Variants in ZNF101 observed in about 807,000 individuals in gnomAD.
ZNF101 encodes the protein zinc finger protein 101 (Y2).
A neutral mutation model predicts 42.6 loss-of-function variants in ZNF101; 34 were observed. That is an observed-to-expected ratio of 0.80 (90% confidence interval 0.61 to 1.06). The LOEUF is 1.06. Ranked by LOEUF, ZNF101 falls within the 50% of genes least tolerant of loss-of-function variation. ZNF101 has a pLI of 0.00. For synonymous variants in ZNF101, 158 were observed against 183.9 expected (o/e 0.86, Z 1.14); for missense variants, 466 against 530.9 (o/e 0.88, Z 1.20).
rs2062248979 is a variant in ZNF101, at chr19:19,683,355, TC to T, written c.*3056del. ...TTGCTCTTTACTCTTTGTCGTTATT[TC>T]TGAGTATTATTTGGATGGTTCATTT... On this transcript the variant is annotated 3_prime_UTR_variant, in exon 4 of 4. Coordinates refer to ENST00000592502, the MANE Select transcript of ZNF101 (RefSeq NM_033204.4). The T allele has an allele frequency of 6.6e-6, 1 of 152,190 alleles. No individual in the cohort carries two copies. Among genetic ancestry groups the T allele is most frequent in the Admixed American group, 6.6e-5 (1 of 15,258 alleles). The allele number at this position is 152,190 out of a possible 1,614,324, so 9.4% of individuals were successfully genotyped here.
At position 19,679,968 on chromosome 19, in the gene ZNF101, G is replaced by A. The variant is rs1568439427; in HGVS notation, c.979G>A (p.Ala327Thr). Residue 327 changes from alanine to threonine, a missense_variant, in exon 4 of 4, where the codon GCA becomes ACA. Transcript: ENST00000592502. ...CTTTAGATGTCCCACGTCCCTTCAA[G>A]CACATGAAAGAGCTCACACTGGAGA... ...KVFRCPTSLQ[A>T]HERAHTGERP... 6.2e-7 allele frequency: 1 copy of A among 1,613,442 alleles called. No individual in the cohort carries two copies. The highest frequency in any genetic ancestry group is 8.5e-7 in the Non-Finnish European group (1 of 1,179,844).
chr19:19,679,402 A>T lies in ZNF101; in HGVS notation c.413A>T (p.Glu138Val), dbSNP rs778696508. The part of the protein sequence containing the change: ...KRSECGGEWR[E>V]TPRKQKQHGK... Reference sequence around the variant, plus strand: ...TCTGAGTGTGGTGGGGAATGGAGAGAGACGCCCCGTAAACAGAAACAACAT... The same window carrying T: ...TCTGAGTGTGGTGGGGAATGGAGAGTGACGCCCCGTAAACAGAAACAACAT... The change falls in exon 4 of 4, where the codon GAG (glutamate) becomes GTG (valine). Residue 138 changes from glutamate (E) to valine (V), a missense_variant. Coordinates refer to ENST00000592502, the MANE Select transcript of ZNF101 (RefSeq NM_033204.4). 15 of 1,613,854 alleles carry T rather than the reference A, an allele frequency of 9.3e-6. No homozygotes were observed. The highest frequency in any genetic ancestry group is 1.2e-5 in the Non-Finnish European group (14 of 1,179,910).
intron 1 of ZNF101, 25 bp downstream of exon 1, chr19:19,668,991 G>T: frequency 6.3e-7 from 1 of 1,577,848 alleles, no homozygotes; most frequent in East Asian, 2.3e-5. Context: ...CCGGGCGTCC[G>T]GAGACCTGAG....
chr19:19,679,383 T>G lies in ZNF101; in HGVS notation c.394T>G (p.Cys132Gly). 1 of 1,613,948 alleles carries G rather than the reference T, an allele frequency of 6.2e-7. No homozygotes were observed. The highest frequency in any genetic ancestry group is 8.5e-7 in the Non-Finnish European group (1 of 1,179,988). ...RAHAGHKRSE[C>G]GGEWRETPRK... ...TCATGCTGGACACAAACGATCTGAG[T>G]GTGGTGGGGAATGGAGAGAGACGCC... The change falls in exon 4 of 4, where the codon TGT becomes GGT. Residue 132 changes from cysteine (C) to glycine (G), a missense_variant. Cys to Gly is a radical substitution (Grantham distance 159). Coordinates refer to ENST00000592502, the MANE Select transcript of ZNF101 (RefSeq NM_033204.4).
At position 19,679,488 on chromosome 19, in the gene ZNF101, A is replaced by G. The variant is rs770287277; in HGVS notation, c.499A>G (p.Arg167Gly). The G allele has an allele frequency of 6.2e-7, 1 of 1,614,160 alleles. No homozygotes were observed. Among genetic ancestry groups the G allele is most frequent in the South Asian group, 1.1e-5 (1 of 91,082 alleles). ...GCGCACAGTAACACCAACTCGAAAG[A>G]GACCTTATGAATGCAAGGTGTGCGG... ...ARRTVTPTRK[R>G]PYECKVCGKA... The change falls in exon 4 of 4, where the codon AGA (arginine) becomes GGA (glycine). Residue 167 changes from arginine (R) to glycine (G), a missense_variant. Coordinates refer to ENST00000592502, the MANE Select transcript of ZNF101 (RefSeq NM_033204.4).
chr19:19,671,987 C>T (rs1400442444), intron 1 of ZNF101, among the ~76,000 whole-genome samples: 1 of 151,226 alleles, frequency 6.6e-6, no homozygotes, highest in Non-Finnish European at 1.5e-5. Flanking sequence ...ACTTGAGAGG[C>T]TGAGGCGGGA....
chr19:19,679,083 T>C (rs2062220018), intron 3 of ZNF101, 98 bp from the exon 4 acceptor site: 1 of 1,507,074 alleles, frequency 6.6e-7, no homozygotes, highest in African/African-American at 1.4e-5. Flanking sequence ...ACCTCCACTT[T>C]TCCTGATTTT....
chr19:19,669,033 C>A, intron 1 of ZNF101, 67 bp downstream of exon 1: 1 of 1,535,532 alleles, frequency 6.5e-7, no homozygotes, highest in South Asian at 1.2e-5. Flanking sequence ...AGTGGCTGGA[C>A]CTGGGCCTCC....
At position 19,668,842 on chromosome 19, in the gene ZNF101, CG is replaced by C; in HGVS notation, c.-119del. On this transcript the variant is annotated 5_prime_UTR_variant, in exon 1 of 4. Coordinates refer to ENST00000592502, the MANE Select transcript of ZNF101 (RefSeq NM_033204.4). ...TCTCATTTCCCGCCGGCCCCCCATT[CG>C]GGTCCGGGTTTTAGTTCCTCGGGGA... The C allele has an allele frequency of 7.7e-7, 1 of 1,301,198 alleles. No homozygotes were observed. The highest frequency in any genetic ancestry group is 1.0e-6 in the Non-Finnish European group (1 of 970,580). The allele number at this position is 1,301,198 out of a possible 1,614,324, so 80.6% of individuals were successfully genotyped here.
intron 1 of ZNF101, chr19:19,676,120 A>T (rs1468414773): frequency 1.3e-5 from 2 of 152,048 alleles, no homozygotes; most frequent in East Asian, 3.9e-4. Context: ...GGGCTCAAGC[A>T]ATCCTCCTGC....
chr19:19,673,821 T>G (rs35801717), intron 1 of ZNF101, among the ~76,000 whole-genome samples: 7,289 of 150,992 alleles, frequency 0.048, 262 homozygotes, highest in East Asian at 0.17. Context: ...TGAGATGGAG[T>G]CTTGCTTTGT....
intron 1 of ZNF101, among the ~76,000 whole-genome samples, chr19:19,674,297 C>T (rs1001492980): frequency 2.6e-5 from 4 of 152,066 alleles, no homozygotes; most frequent in African/African-American, 9.7e-5. Flanking sequence ...CTGCCTTAGC[C>T]TCTCGAGTAG....
Position 19,680,117 on chromosome 19 carries a change from G to T in ZNF101, c.1128G>T (p.Gly376=). 1 of 1,613,846 alleles carries T rather than the reference G, an allele frequency of 6.2e-7. No individual in the cohort carries two copies. The highest frequency in any genetic ancestry group is 8.5e-7 in the Non-Finnish European group (1 of 1,179,942). The change falls in exon 4 of 4, where the codon GGG becomes GGT. Residue 376 remains glycine, a synonymous_variant. Coordinates refer to ENST00000592502, the MANE Select transcript of ZNF101 (RefSeq NM_033204.4). ...YECTRCGKAF[G]WCSSLRRHEM... is the part of the protein sequence containing the mutation. ...GTACAAGGTGTGGTAAAGCCTTTGG[G>T]TGGTGCAGTTCCCTCCGAAGACATG...
chr19:19,680,337 C>A lies in ZNF101; in HGVS notation c.*37C>A. The A allele has an allele frequency of 8.0e-7, 1 of 1,242,512 alleles. No homozygotes were observed. Among genetic ancestry groups the A allele is most frequent in the Non-Finnish European group, 1.1e-6 (1 of 921,940 alleles). 77.0% of individuals were successfully genotyped at this position (1,242,512 alleles called of 1,614,324 possible). A position where few individuals can be genotyped will look rare whatever the true frequency, so the allele number is the denominator to read the frequency against. ...GCAACATAAGAAGGCCCCATATCGG[C>A]TGGGTACGGTGGCTCACGCTTGTAA... On this transcript the variant is annotated 3_prime_UTR_variant, in exon 4 of 4. Coordinates refer to ENST00000592502, the MANE Select transcript of ZNF101 (RefSeq NM_033204.4).
rs2062221312 is a variant in ZNF101, at chr19:19,679,268, GAAA to G, written c.281_283del (p.Lys94del). On this transcript the variant is annotated inframe_deletion, in exon 4 of 4. Coordinates refer to ENST00000592502, the MANE Select transcript of ZNF101 (RefSeq NM_033204.4). ...AGATTCCTGATTGTCACCTGAACAA[GAAA>G]AGTCAAACTGGAGTGAAACCATGCA... is the stretch of plus-strand genomic sequence containing the variant. 6.2e-7 allele frequency: 1 copy of G among 1,614,074 alleles called. No homozygotes were observed. The highest frequency in any genetic ancestry group is 8.5e-7 in the Non-Finnish European group (1 of 1,180,044).
chr19:19,671,930 A>G (rs892365686), intron 1 of ZNF101, among the ~76,000 whole-genome samples: 3 of 151,932 alleles, frequency 2.0e-5, no homozygotes, highest in Admixed American at 6.6e-5. Flanking sequence ...CAGCAATTCA[A>G]GATGAACTGA....
chr19:19,678,795 C>A lies in ZNF101; in HGVS notation c.191+9C>A. The A allele has an allele frequency of 6.2e-7, 1 of 1,606,792 alleles. No individual in the cohort carries two copies. ...CTGGGGATTAAGCTAAGGTAATCTC[C>A]ACTCACAAGAGGAAGCAGTGTCTCT... On this transcript the variant is annotated intron_variant, in intron 3 of 3. Transcript: ENST00000592502.
In ZNF101 at chr19:19,681,922, C is replaced by CTTTTTTT. The variant is rs754374535; in HGVS notation, c.*1634_*1640dup. On this transcript the variant is annotated 3_prime_UTR_variant, in exon 4 of 4. Coordinates refer to ENST00000592502, the MANE Select transcript of ZNF101 (RefSeq NM_033204.4). ...ATCAGTGGCTCATTCTTTTTTCTTTCTTTTTTTTTTTTTTTTTTGAGATGG... is the reference window on the plus strand; with the variant it reads ...ATCAGTGGCTCATTCTTTTTTCTTTCTTTTTTTTTTTTTTTTTTTTTTTTTGAGATGG... 3.2e-5 allele frequency: 4 copies of CTTTTTTT among 124,904 alleles called. No homozygotes were observed. The highest frequency in any genetic ancestry group is 5.9e-5 in the African/African-American group (2 of 33,876). 7.7% of individuals were successfully genotyped at this position (124,904 alleles called of 1,614,324 possible).
At chr19:19,672,111 T>A (rs1289039328) in intron 1 of ZNF101, 1 of 148,190 alleles carries the variant, frequency 6.7e-6, no homozygotes, top group Non-Finnish European at 1.5e-5. Context: ...TATGATTATA[T>A]ATATATTTAT....
Sources: allele counts gnomAD v4.1 joint callset (sites outside exome capture counted in the v4.1 genomes callset), GRCh38; gene constraint gnomAD v4.1.1; transcripts MANE v1.5; gene names NCBI Gene and HGNC (gene_info 2026-07-23, HGNC 2026-07-21).